Variants in VKORC1L1 observed in about 807,000 individuals in gnomAD.
VKORC1L1 encodes the protein vitamin K epoxide reductase complex subunit 1-like protein 1.
Under a neutral mutation model 18.9 loss-of-function variants are expected in VKORC1L1, and 2 were observed. The ratio of observed to expected loss-of-function variants is 0.11; its 90% CI spans 0.04 to 0.33. The LOEUF is 0.33. Ranked by LOEUF, VKORC1L1 falls within the 10% of genes least tolerant of loss-of-function variation. The pLI, the probability that VKORC1L1 is intolerant of heterozygous loss-of-function variation, is 1.00. For synonymous variants in VKORC1L1, 96 were observed against 100.0 expected, an observed-to-expected ratio of 0.96 and a Z score of 0.24; for missense variants, 123 against 224.1, an observed-to-expected ratio of 0.55 and a Z score of 2.88.
intron 1 of VKORC1L1, among the ~76,000 whole-genome samples, chr7:65,895,937 C>A (rs562271630): frequency 1.4e-5 from 2 of 138,130 alleles, no homozygotes; most frequent in East Asian, 4.2e-4. Flanking sequence ...CTCCCTCTGT[C>A]CAGGCTGGAG....
chr7:65,899,259 A>G (rs895733099), intron 1 of VKORC1L1, among the ~76,000 whole-genome samples: 7 of 152,186 alleles, frequency 4.6e-5, no homozygotes, highest in African/African-American at 1.7e-4. Context: ...ACTCTGTTCA[A>G]CAGTTTCCCC....
chr7:65,949,996 T>C (rs1790186571), intron 2 of VKORC1L1, among the ~76,000 whole-genome samples: 1 of 152,226 alleles, frequency 6.6e-6, no homozygotes, highest in Non-Finnish European at 1.5e-5. Context: ...TTTTCAATTT[T>C]AATCAGTGTT....
intron 1 of VKORC1L1, among the ~76,000 whole-genome samples, chr7:65,884,246 A>G (rs1252220354): frequency 1.3e-5 from 2 of 152,216 alleles, no homozygotes; most frequent in Non-Finnish European, 2.9e-5. Context: ...CAGTACATGT[A>G]AATAGTCCTG....
intron 1 of VKORC1L1, among the ~76,000 whole-genome samples, chr7:65,935,895 C>T (rs1789934696): frequency 6.6e-6 from 1 of 152,168 alleles, no homozygotes; most frequent in Admixed American, 6.5e-5. Flanking sequence ...TCCAGAAGTC[C>T]AGTGAAATAA....
At chr7:65,920,382 T>C (rs1789655428) in intron 1 of VKORC1L1, among the ~76,000 whole-genome samples, 1 of 152,150 alleles carries the variant, frequency 6.6e-6, no homozygotes, top group South Asian at 2.1e-4. Context: ...TTTAAATAAA[T>C]GTTTGGGTCT....
chr7:65,948,955 A>G (rs1723273), intron 2 of VKORC1L1, among the ~76,000 whole-genome samples, 175 bp downstream of exon 2: 1 of 152,110 alleles, frequency 6.6e-6, no homozygotes, highest in African/African-American at 2.4e-5. Flanking sequence ...TTATTGTTGA[A>G]TTTATGTCAA....
chr7:65,925,552 C>T (rs1490503068), intron 1 of VKORC1L1, among the ~76,000 whole-genome samples: 3 of 152,096 alleles, frequency 2.0e-5, no homozygotes, highest in African/African-American at 7.2e-5. Context: ...TGATGTTTTT[C>T]CCTGTTCTTT....
chr7:65,926,087 G>A (rs1438930495), intron 1 of VKORC1L1, among the ~76,000 whole-genome samples: 1 of 147,708 alleles, frequency 6.8e-6, no homozygotes, highest in Non-Finnish European at 1.5e-5. Context: ...ACATATGTTG[G>A]GTGTTGACAA....
the VKORC1L1 span, among the ~76,000 whole-genome samples, chr7:65,867,408 C>CGGAG: frequency 3.9e-5 from 6 of 152,038 alleles, no homozygotes; most frequent in African/African-American, 1.2e-4. Context: ...TTAAGTTACT[C>CGGAG]TTATTGCATA....
At position 65,959,136 on chromosome 7, in the gene VKORC1L1, C is replaced by T. The variant is rs1790352296; in HGVS notation, c.*4836C>T. On this transcript the variant is annotated 3_prime_UTR_variant, in exon 3 of 3. Transcript: ENST00000360768. ...CTGGCCAACATGGTGAAACCTGCCT[C>T]TACTGAAAAATACAGAAAAATTAGC... is the stretch of plus-strand genomic sequence containing the variant. 6.6e-6 allele frequency: 1 copy of T among 151,914 alleles called. No homozygotes were observed. The highest frequency in any genetic ancestry group is 1.5e-5 in the Non-Finnish European group (1 of 68,002). The allele number at this position is 151,914 out of a possible 1,614,324, so 9.4% of individuals were successfully genotyped here.
At chr7:65,945,566 C>T (rs199585932) in intron 1 of VKORC1L1, among the ~76,000 whole-genome samples, 1 of 149,098 alleles carries the variant, frequency 6.7e-6, no homozygotes, top group Non-Finnish European at 1.5e-5. Flanking sequence ...GAGCCGAGAT[C>T]GCGCCACTGC....
At chr7:65,900,761 C>T (rs757825091) in intron 1 of VKORC1L1, among the ~76,000 whole-genome samples, 5 of 151,446 alleles carry the variant, frequency 3.3e-5, no homozygotes, top group South Asian at 2.1e-4. Context: ...GCCAAGATTG[C>T]GCCATTGAAC....
intron 1 of VKORC1L1, among the ~76,000 whole-genome samples, chr7:65,891,352 A>G (rs1445647307): frequency 6.6e-6 from 1 of 152,122 alleles, no homozygotes; most frequent in African/African-American, 2.4e-5. Flanking sequence ...ATTAGAAACA[A>G]CAGAACAGTT....
chr7:65,887,103 C>A (rs1789028601), intron 1 of VKORC1L1, among the ~76,000 whole-genome samples: 1 of 151,924 alleles, frequency 6.6e-6, no homozygotes, highest in African/African-American at 2.4e-5. Flanking sequence ...CCCACCTCAG[C>A]CTCCCAAAGT....
chr7:65,887,340 G>A (rs1354420834), intron 1 of VKORC1L1, among the ~76,000 whole-genome samples: 1 of 151,922 alleles, frequency 6.6e-6, no homozygotes, highest in Non-Finnish European at 1.5e-5. Flanking sequence ...AATACATAAC[G>A]TTGATATTAT....
Position 65,873,462 on chromosome 7 carries a change from A to G in VKORC1L1, c.91A>G (p.Ile31Val). The change falls in exon 1 of 3, where the codon ATC becomes GTC. Residue 31 changes from isoleucine to valine, a missense_variant. By Grantham distance (29) the Ile-to-Val change is conservative. This residue lies in a region of VKORC1L1 where 60 missense variants were observed against 76.9 expected (regional missense o/e 0.78). Coordinates refer to ENST00000360768, the MANE Select transcript of VKORC1L1 (RefSeq NM_173517.6). ...GTGCGCTGCCGGAATCCTGCTCTCC[A>G]TCTACGCCTACCACGTGGAGCGGGA... The part of the protein sequence containing the change: ...AVCAAGILLS[I>V]YAYHVEREKE... 2 of 1,593,728 alleles carry G rather than the reference A, an allele frequency of 1.3e-6. No homozygotes were observed. Among genetic ancestry groups the G allele is most frequent in the Non-Finnish European group, 1.7e-6 (2 of 1,171,680 alleles).
At chr7:65,884,233 T>A (rs1480538055) in intron 1 of VKORC1L1, among the ~76,000 whole-genome samples, 2 of 152,236 alleles carry the variant, frequency 1.3e-5, no homozygotes, top group Non-Finnish European at 2.9e-5. Context: ...CTATGAAGTG[T>A]ACCAGTACAT....
chr7:65,948,329 CCTT>C (rs1371760662), intron 1 of VKORC1L1, among the ~76,000 whole-genome samples: 4 of 149,084 alleles, frequency 2.7e-5, no homozygotes, highest in Non-Finnish European at 5.9e-5. Flanking sequence ...ACAACTGTCT[CCTT>C]CTGCATAGAG....
chr7:65,885,672 A>G (rs1159027242), intron 1 of VKORC1L1, among the ~76,000 whole-genome samples: 1 of 152,028 alleles, frequency 6.6e-6, no homozygotes, highest in South Asian at 2.1e-4. Flanking sequence ...TCATATTTCA[A>G]ATGCCACAAG....
Sources: allele counts gnomAD v4.1 joint callset (sites outside exome capture counted in the v4.1 genomes callset), GRCh38; gene constraint gnomAD v4.1.1; regional missense constraint gnomAD v4.1.1; transcripts MANE v1.5; gene names NCBI Gene and HGNC (gene_info 2026-07-23, HGNC 2026-07-21).